The following MAST4 variants were observed in gnomAD, a reference collection of about 807,000 sequenced individuals.
MAST4 encodes microtubule associated serine/threonine kinase family member 4, also known as microtubule-associated serine/threonine-protein kinase 4.
Under a neutral mutation model 162.7 loss-of-function variants are expected in MAST4, and 89 were observed. The observed-to-expected ratio is 0.55, with a 90% confidence interval of 0.46 to 0.65. MAST4 has a LOEUF of 0.65. Among genes scored for constraint, MAST4 ranks in the 30% least tolerant of loss-of-function variants. MAST4 has a pLI of 0.00. For synonymous variants in MAST4, 1,479 were observed against 1,361.1 expected (o/e 1.09, Z -1.91); for missense variants, 3,153 against 3,374.0 (o/e 0.93, Z 1.62).
intron 4 of MAST4, among the ~76,000 whole-genome samples, chr5:66,942,527 G>GCT (rs1455063011): frequency 6.6e-6 from 1 of 152,058 alleles, no homozygotes; most frequent in African/African-American, 2.4e-5. Flanking sequence ...AAGTTATTTA[G>GCT]GTATAACTAG....
At chr5:66,620,026 T>C (rs961359543) in intron 1 of MAST4, among the ~76,000 whole-genome samples, 6 of 145,984 alleles carry the variant, frequency 4.1e-5, no homozygotes, top group African/African-American at 1.5e-4. Flanking sequence ...AGGTCTTAAA[T>C]GGAATGAAAG....
chr5:66,877,435 G>T (rs575527617), intron 3 of MAST4, among the ~76,000 whole-genome samples: 40 of 152,190 alleles, frequency 2.6e-4, no homozygotes, highest in Non-Finnish European at 4.9e-4. Context: ...GCAGGGTGAA[G>T]TTCAGTAACT....
intron 3 of MAST4, among the ~76,000 whole-genome samples, chr5:66,802,920 A>T (rs1052697938): frequency 6.6e-6 from 1 of 152,126 alleles, no homozygotes; most frequent in Non-Finnish European, 1.5e-5. Flanking sequence ...GGAGGCTGCT[A>T]TCATCCTTAG....
At chr5:66,617,912 C>G (rs1743808029) in intron 1 of MAST4, among the ~76,000 whole-genome samples, 1 of 152,116 alleles carries the variant, frequency 6.6e-6, no homozygotes. Context: ...TTCCTGGCAG[C>G]TGGGGTTGGA....
intron 5 of MAST4, among the ~76,000 whole-genome samples, chr5:67,070,878 TCACCA>T (rs1309531285): frequency 6.6e-6 from 1 of 152,124 alleles, no homozygotes; most frequent in African/African-American, 2.4e-5. Context: ...TATCTGGCAG[TCACCA>T]CCCAACCCCG....
chr5:67,049,211 C>G (rs967810902), intron 4 of MAST4, among the ~76,000 whole-genome samples: 1 of 151,026 alleles, frequency 6.6e-6, no homozygotes, highest in African/African-American at 2.4e-5. Context: ...GTTTCTATAT[C>G]TTTTTTAAAG....
chr5:67,073,475 C>T (rs1019800570), intron 5 of MAST4, among the ~76,000 whole-genome samples: 7 of 152,182 alleles, frequency 4.6e-5, no homozygotes, highest in African/African-American at 1.7e-4. Context: ...TGGGAAATTC[C>T]TCTTACGTAG....
chr5:66,923,651 T>C (rs1402137867), intron 4 of MAST4, among the ~76,000 whole-genome samples: 3 of 152,184 alleles, frequency 2.0e-5, no homozygotes, highest in Non-Finnish European at 4.4e-5. Flanking sequence ...GTAACCAAAC[T>C]CATGCTTCTT....
At chr5:66,951,160 A>G (rs1451216395) in intron 4 of MAST4, among the ~76,000 whole-genome samples, 1 of 152,222 alleles carries the variant, frequency 6.6e-6, no homozygotes, top group African/African-American at 2.4e-5. Flanking sequence ...TTTCTTATGG[A>G]AAGGAAAGCA....
chr5:67,056,939 G>C (rs1758903619), intron 5 of MAST4, among the ~76,000 whole-genome samples: 1 of 152,032 alleles, frequency 6.6e-6, no homozygotes, highest in Non-Finnish European at 1.5e-5. Context: ...CTGTGCTCAA[G>C]CAGTCCTCCT....
At chr5:66,768,957 C>A (rs1416735088) in intron 2 of MAST4, among the ~76,000 whole-genome samples, 1 of 151,530 alleles carries the variant, frequency 6.6e-6, no homozygotes, top group Non-Finnish European at 1.5e-5. Flanking sequence ...TTGTGAGAGA[C>A]CATGGGGGAA....
intron 1 of MAST4, among the ~76,000 whole-genome samples, chr5:66,731,429 C>G (rs1051668027): frequency 6.8e-6 from 1 of 147,532 alleles, no homozygotes; most frequent in Non-Finnish European, 1.5e-5. Context: ...ATCAATTTTT[C>G]TTTCTTCACC....
chr5:67,151,227 T>G (rs1771769024), intron 24 of MAST4, among the ~76,000 whole-genome samples: 1 of 152,222 alleles, frequency 6.6e-6, no homozygotes, highest in Non-Finnish European at 1.5e-5. Context: ...GGGTAAGGTA[T>G]AAATAACAGA....
At chr5:66,679,794 G>A (rs1748210615) in intron 1 of MAST4, among the ~76,000 whole-genome samples, 1 of 151,936 alleles carries the variant, frequency 6.6e-6, no homozygotes, top group East Asian at 1.9e-4. Context: ...TTCACAGCAG[G>A]CACTCACCCT....
intron 1 of MAST4, among the ~76,000 whole-genome samples, chr5:66,711,900 C>T (rs1218817503): frequency 1.3e-5 from 2 of 152,084 alleles, no homozygotes; most frequent in Non-Finnish European, 2.9e-5. Flanking sequence ...TGGATAATCT[C>T]CCCATCACAA....
At chr5:67,005,507 T>C (rs2150333490) in intron 4 of MAST4, among the ~76,000 whole-genome samples, 1 of 152,352 alleles carries the variant, frequency 6.6e-6, no homozygotes, top group Middle Eastern at 3.4e-3. Context: ...CTTTATAAGA[T>C]GCAGATGTAC....
At chr5:66,859,494 C>T (rs922501352) in intron 3 of MAST4, among the ~76,000 whole-genome samples, 3 of 152,164 alleles carry the variant, frequency 2.0e-5, no homozygotes, top group Admixed American at 6.5e-5. Flanking sequence ...TCCCCATTAC[C>T]TTAAACCTGT....
intron 4 of MAST4, among the ~76,000 whole-genome samples, chr5:67,050,262 G>A (rs1758010555): frequency 6.6e-6 from 1 of 152,152 alleles, no homozygotes; most frequent in Non-Finnish European, 1.5e-5. Context: ...GTGAACTCAG[G>A]GAGCAGGTGT....
chr5:67,140,840 T>A (rs945662912), intron 19 of MAST4, among the ~76,000 whole-genome samples: 4 of 152,250 alleles, frequency 2.6e-5, no homozygotes, highest in African/African-American at 9.6e-5. Flanking sequence ...AGTATTTTGC[T>A]AGAAATGTGG....
Sources: allele counts gnomAD v4.1 joint callset (sites outside exome capture counted in the v4.1 genomes callset), GRCh38; gene constraint gnomAD v4.1.1; transcripts MANE v1.5; gene names NCBI Gene and HGNC (gene_info 2026-07-23, HGNC 2026-07-21).